GAPVD1: variants seen among roughly 807,000 people sequenced by gnomAD.
GAPVD1 encodes GTPase-activating protein and VPS9 domain-containing protein 1.
Under a neutral mutation model 155.5 loss-of-function variants are expected in GAPVD1, and 35 were observed. That is an observed-to-expected ratio of 0.23 (90% CI 0.17 to 0.30). The LOEUF is 0.30. Among genes scored for constraint, GAPVD1 ranks in the 10% least tolerant of loss-of-function variants. GAPVD1 has a pLI of 1.00. For synonymous variants in GAPVD1, 636 were observed against 619.7 expected (o/e 1.03, Z -0.39); for missense variants, 1,429 against 1,775.7 (o/e 0.80, Z 3.51).
At chr9:125,361,446 C>CCTGG (rs1850901102) in intron 27 of GAPVD1, among the ~76,000 whole-genome samples, 1 of 151,704 alleles carries the variant, frequency 6.6e-6, no homozygotes, top group African/African-American at 2.4e-5. Flanking sequence ...ATCACTTGAA[C>CCTGG]CTGGGCAGCA....
chr9:125,281,545 T>G (rs1396041081), intron 2 of GAPVD1, among the ~76,000 whole-genome samples: 2 of 152,210 alleles, frequency 1.3e-5, no homozygotes, highest in African/African-American at 2.4e-5. Context: ...TATTAACATC[T>G]TATATTAGCA....
intron 26 of GAPVD1, among the ~76,000 whole-genome samples, chr9:125,360,192 C>T (rs1850704898): frequency 6.6e-6 from 1 of 152,122 alleles, no homozygotes; most frequent in African/African-American, 2.4e-5. Flanking sequence ...GTTTGTACTT[C>T]TGGAATCAGC....
chr9:125,353,658 G>A (rs963461396), intron 23 of GAPVD1, among the ~76,000 whole-genome samples: 1 of 152,166 alleles, frequency 6.6e-6, no homozygotes, highest in Non-Finnish European at 1.5e-5. Context: ...AAATTATGGC[G>A]GAAAGTGAAA....
At chr9:125,273,357 T>A (rs1835210285) in intron 2 of GAPVD1, among the ~76,000 whole-genome samples, 1 of 152,192 alleles carries the variant, frequency 6.6e-6, no homozygotes, top group East Asian at 1.9e-4. Flanking sequence ...TTTTGAAGTT[T>A]AGTACTATGC....
chr9:125,346,357 G>A (rs1589077168), intron 19 of GAPVD1: 1 of 205,238 alleles, frequency 4.9e-6, no homozygotes, highest in African/African-American at 2.3e-5. Context: ...ATTCATAAAG[G>A]AAGAATGGAA....
chr9:125,281,372 C>T (rs935839233), intron 2 of GAPVD1, among the ~76,000 whole-genome samples: 1 of 151,960 alleles, frequency 6.6e-6, no homozygotes, highest in African/African-American at 2.4e-5. Flanking sequence ...TGGTTATGAA[C>T]TCCTGACCTC....
At chr9:125,327,201 T>C (rs1054106471) in intron 12 of GAPVD1, among the ~76,000 whole-genome samples, 2 of 152,126 alleles carry the variant, frequency 1.3e-5, no homozygotes, top group Admixed American at 1.3e-4. Context: ...CTTCTTTTTT[T>C]TTAATGTGAA....
At chr9:125,361,809 C>G (rs1201186594) in intron 27 of GAPVD1, among the ~76,000 whole-genome samples, 1 of 152,130 alleles carries the variant, frequency 6.6e-6, no homozygotes, top group Non-Finnish European at 1.5e-5. Context: ...TTGAGGGTGA[C>G]CATGTAGTTT....
At chr9:125,322,100 C>T (rs1023162791) in intron 10 of GAPVD1, among the ~76,000 whole-genome samples, 2 of 151,622 alleles carry the variant, frequency 1.3e-5, no homozygotes, top group African/African-American at 2.4e-5. Context: ...GAGTCTCGTT[C>T]GTTGCCCAGG....
At chr9:125,316,474 C>T (rs1015204450) in intron 9 of GAPVD1, among the ~76,000 whole-genome samples, 66 of 152,308 alleles carry the variant, frequency 4.3e-4, no homozygotes, top group African/African-American at 1.5e-3. Flanking sequence ...ATGATGGTTT[C>T]CAGCTTCATC....
At chr9:125,268,487 CT>C (rs1378596982) in intron 1 of GAPVD1, among the ~76,000 whole-genome samples, 2 of 148,292 alleles carry the variant, frequency 1.3e-5, no homozygotes, top group Non-Finnish European at 3.0e-5. Flanking sequence ...ATAATTACCC[CT>C]AACATTGTTT....
intron 17 of GAPVD1, among the ~76,000 whole-genome samples, chr9:125,338,733 G>A (rs1847383544): frequency 6.6e-6 from 1 of 152,096 alleles, no homozygotes; most frequent in Non-Finnish European, 1.5e-5. Context: ...TTTCTACAGT[G>A]TTCATTTGGA....
rs913859116 is a variant in GAPVD1 at position 125,349,386 on chromosome 9, T to C, written c.3170-4T>C. On this transcript the variant is annotated splice_region_variant and splice_polypyrimidine_tract_variant and intron_variant, in intron 20 of 27. Coordinates refer to ENST00000297933, the MANE Select transcript of GAPVD1 (RefSeq NM_001282680.3). ...TCCGTTTCTTGGGGGTGGGTTTTGT[T>C]TAGAGGTTATGGGTGATGGTGAAAG... 1.9e-5 allele frequency: 30 copies of C among 1,612,294 alleles called. No homozygotes were observed. The highest frequency in any genetic ancestry group is 2.5e-5 in the Non-Finnish European group (29 of 1,178,798).
In GAPVD1 at chr9:125,321,464, A is replaced by G. The variant is rs1844328326; in HGVS notation, c.1634A>G (p.Gln545Arg). ...AACATGCAGCTTTCGGATGGAGGAC[A>G]AGGAGATGTCCCTGTTGATGAAAAC... ...VLNMQLSDGG[Q>R]GDVPVDENKL... The change falls in exon 10 of 28, where the codon CAA becomes CGA. Residue 545 changes from glutamine to arginine, a missense_variant. Gln to Arg is a conservative substitution (Grantham distance 43, BLOSUM62 1). Coordinates refer to ENST00000297933, the MANE Select transcript of GAPVD1 (RefSeq NM_001282680.3). 1 of 1,613,112 alleles carries G rather than the reference A, an allele frequency of 6.2e-7. No individual in the cohort carries two copies. Among genetic ancestry groups the G allele is most frequent in the Non-Finnish European group, 8.5e-7 (1 of 1,179,112 alleles).
intron 2 of GAPVD1, among the ~76,000 whole-genome samples, chr9:125,280,688 A>G (rs1836651376): frequency 6.8e-6 from 1 of 147,642 alleles, no homozygotes; most frequent in South Asian, 2.1e-4. Flanking sequence ...CCATTCTCCC[A>G]CCTCAGCCTC....
intron 2 of GAPVD1, among the ~76,000 whole-genome samples, chr9:125,286,238 C>T (rs1479173440): frequency 6.6e-6 from 1 of 152,166 alleles, no homozygotes; most frequent in Non-Finnish European, 1.5e-5. Flanking sequence ...TTCAGCCTCC[C>T]AAGCAGCTGA....
chr9:125,334,380 G>T (rs1846563134), intron 15 of GAPVD1, among the ~76,000 whole-genome samples: 1 of 151,518 alleles, frequency 6.6e-6, no homozygotes. Context: ...AATATTCTGT[G>T]TGAAGAAATA....
chr9:125,300,143 C>A (rs1840635914), intron 4 of GAPVD1, among the ~76,000 whole-genome samples: 1 of 128,962 alleles, frequency 7.8e-6, no homozygotes, highest in African/African-American at 2.9e-5. Context: ...GTTTAGAAAC[C>A]ACATTTTATT....
At chr9:125,346,791 A>G (rs1290199181) in intron 19 of GAPVD1, 28 bp from the exon 20 acceptor site, 1 of 1,595,162 alleles carries the variant, frequency 6.3e-7, no homozygotes, top group African/African-American at 1.3e-5. Context: ...CCAAGGGGCT[A>G]ATTCTCTCAC....
Sources: gnomAD v4.1 joint callset for allele counts (sites outside exome capture counted in the v4.1 genomes callset) on GRCh38, gnomAD v4.1.1 for gene constraint, MANE v1.5 for transcripts, NCBI Gene and HGNC (gene_info 2026-07-23, HGNC 2026-07-21) for gene names.